EGFLAM: variants seen among roughly 807,000 people sequenced by gnomAD.
EGFLAM encodes the protein pikachurin.
A neutral mutation model predicts 113.1 loss-of-function variants in EGFLAM; 79 were observed. That is an observed-to-expected ratio of 0.70 (90% CI 0.58 to 0.84). EGFLAM has a LOEUF of 0.84. Among genes scored for constraint, EGFLAM ranks in the 40% least tolerant of loss-of-function variants. The pLI is 0.00. For synonymous variants in EGFLAM, 504 were observed against 487.6 expected (o/e 1.03, Z -0.44); for missense variants, 1,265 against 1,291.6 (o/e 0.98, Z 0.32).
chr5:38,433,969 A>T (rs1742266632), intron 15 of EGFLAM, among the ~76,000 whole-genome samples: 2 of 152,076 alleles, frequency 1.3e-5, no homozygotes, highest in Admixed American at 6.5e-5. Flanking sequence ...CCTAAGATAA[A>T]CAGAGCTTCT....
chr5:38,317,571 C>G (rs962970721), intron 1 of EGFLAM, among the ~76,000 whole-genome samples: 2 of 152,146 alleles, frequency 1.3e-5, no homozygotes, highest in African/African-American at 4.8e-5. Context: ...AGTTCATATC[C>G]CAGAACCATG....
At chr5:38,435,806 C>CTTTTTTTTTTTTT (rs60461690) in intron 16 of EGFLAM, among the ~76,000 whole-genome samples, 3 of 88,916 alleles carry the variant, frequency 3.4e-5, no homozygotes, top group African/African-American at 9.5e-5. Flanking sequence ...CCGGCTCTCT[C>CTTTTTTTTTTTTT]TTTTTTTTTT....
Position 38,279,044 on chromosome 5 carries a change from A to G in EGFLAM, c.97+20193A>G, listed in dbSNP as rs57166991. On this transcript the variant is annotated intron_variant, in intron 1 of 21. Coordinates refer to ENST00000322350, the MANE Select transcript of EGFLAM (RefSeq NM_152403.4). ...GAGAAAACAAATAACACAATTAAAA[A>G]GTAGGCAAAAGATCTGAATAGACAT... is the stretch of plus-strand genomic sequence containing the variant. Among the ~76,000 whole-genome samples, 1,023 of 152,284 alleles carry G rather than the reference A, an allele frequency of 6.7e-3. 12 individuals carry two copies. The highest frequency in any genetic ancestry group is 0.024 in the African/African-American group (985 of 41,560).
chr5:38,459,603 C>A (rs1743206054), intron 20 of EGFLAM, among the ~76,000 whole-genome samples: 1 of 152,184 alleles, frequency 6.6e-6, no homozygotes, highest in South Asian at 2.1e-4. Flanking sequence ...GGTTGGGGTT[C>A]CCTGAGAATT....
intron 11 of EGFLAM, among the ~76,000 whole-genome samples, chr5:38,416,185 T>G (rs1741636254): frequency 6.6e-6 from 1 of 152,220 alleles, no homozygotes; most frequent in South Asian, 2.1e-4. Context: ...TGTGGCTGTT[T>G]AATAAGCTTT....
Position 38,458,367 on chromosome 5 carries a change from G to T in EGFLAM, c.2744G>T (p.Gly915Val). The change falls in exon 20 of 22, where the codon GGT becomes GTT. Residue 915 changes from glycine to valine, a missense_variant. By Grantham distance (109) the Gly-to-Val change is moderately radical (BLOSUM62 -3). Transcript: ENST00000322350. The part of the protein sequence containing the change: ...SIMVNGSFND[G>V]RWHRVKAVRD... The stretch of plus-strand genomic sequence containing the variant: ...ATGGTGAATGGCTCCTTCAACGATG[G>T]TCGGTGGCACCGAGTTAAGGCCGTT... 4 of 1,614,056 alleles carry T rather than the reference G, an allele frequency of 2.5e-6. No homozygotes were observed. Among genetic ancestry groups the T allele is most frequent in the Non-Finnish European group, 3.4e-6 (4 of 1,179,990 alleles).
chr5:38,417,924 A>C (rs1741704091), intron 11 of EGFLAM, 142 bp from the exon 12 acceptor site: 2 of 812,336 alleles, frequency 2.5e-6, no homozygotes, highest in African/African-American at 3.5e-5. Context: ...CAGTAAGGCA[A>C]GGTCTTAAAG....
chr5:38,351,337 G>A, intron 4 of EGFLAM, among the ~76,000 whole-genome samples: 1 of 152,134 alleles, frequency 6.6e-6, no homozygotes, highest in Non-Finnish European at 1.5e-5. Context: ...TCGAACTCCT[G>A]ACCTCGTGAT....
At chr5:38,451,120 G>A (rs1742898689) in intron 18 of EGFLAM, among the ~76,000 whole-genome samples, 195 bp from the exon 19 acceptor site, 1 of 152,214 alleles carries the variant, frequency 6.6e-6, no homozygotes, top group Admixed American at 6.5e-5. Context: ...CACAGTGCTT[G>A]GGGAGAGAGA....
chr5:38,384,646 A>C (rs1410239428), intron 6 of EGFLAM, among the ~76,000 whole-genome samples: 1 of 152,196 alleles, frequency 6.6e-6, no homozygotes, highest in Non-Finnish European at 1.5e-5. Flanking sequence ...GACTGAAGGC[A>C]GTCTGTGCAG....
At chr5:38,411,453 T>G (rs1354914276) in intron 10 of EGFLAM, among the ~76,000 whole-genome samples, 1 of 150,602 alleles carries the variant, frequency 6.6e-6, no homozygotes. Flanking sequence ...AAAACGGGAA[T>G]GCGGATTAGC....
intron 1 of EGFLAM, among the ~76,000 whole-genome samples, chr5:38,320,435 C>G (rs1738709620): frequency 6.6e-6 from 1 of 152,290 alleles, no homozygotes; most frequent in South Asian, 2.1e-4. Flanking sequence ...ATTTGAAACT[C>G]CCTGCTAGCA....
chr5:38,320,422 T>A (rs1738709466), intron 1 of EGFLAM, among the ~76,000 whole-genome samples: 1 of 152,220 alleles, frequency 6.6e-6, no homozygotes, highest in Non-Finnish European at 1.5e-5. Flanking sequence ...CTGGCTTAGA[T>A]GAATTTGAAA....
chr5:38,457,064 T>G lies in EGFLAM; in HGVS notation c.2688-1247T>G, dbSNP rs1743110320. On this transcript the variant is annotated intron_variant, in intron 19 of 21. Coordinates refer to ENST00000322350, the MANE Select transcript of EGFLAM (RefSeq NM_152403.4). Reference sequence around the variant, plus strand: ...CTGAAACCCTTATGGTATCGGGGTATCTGGGAACTGAAATAGAAAATAGGA... The same window carrying G: ...CTGAAACCCTTATGGTATCGGGGTAGCTGGGAACTGAAATAGAAAATAGGA... Among the ~76,000 whole-genome samples the G allele has an allele frequency of 2.6e-5, 4 of 152,300 alleles. No homozygotes were observed. In the South Asian group the frequency reaches 8.3e-4, roughly 32 times the overall value.
chr5:38,333,916 GTTTTTTTTTTTTT>G (rs70978880), intron 1 of EGFLAM, among the ~76,000 whole-genome samples: 2 of 29,278 alleles, frequency 6.8e-5, no homozygotes, highest in East Asian at 2.3e-3. Flanking sequence ...ATTGTTGAGG[GTTTTTTTTTTTTT>G]TTTTTTTTTT....
chr5:38,334,315 T>A (rs941697994), intron 1 of EGFLAM, among the ~76,000 whole-genome samples: 1 of 152,196 alleles, frequency 6.6e-6, no homozygotes, highest in Non-Finnish European at 1.5e-5. Flanking sequence ...AAGAGAAATC[T>A]ATTTTTCACA....
intron 1 of EGFLAM, among the ~76,000 whole-genome samples, chr5:38,289,277 C>CG (rs33960809): frequency 6.8e-6 from 1 of 146,412 alleles, no homozygotes; most frequent in African/African-American, 2.7e-5. Context: ...CTTTCCCCGC[C>CG]CCCACATTTC....
intron 1 of EGFLAM, among the ~76,000 whole-genome samples, chr5:38,309,964 G>A (rs954045325): frequency 2.0e-5 from 3 of 152,272 alleles, no homozygotes; most frequent in South Asian, 4.1e-4. Flanking sequence ...CCATGACAGC[G>A]ATGGCTCAAG....
chr5:38,332,751 T>C (rs754295319), intron 1 of EGFLAM, among the ~76,000 whole-genome samples: 1 of 152,226 alleles, frequency 6.6e-6, no homozygotes, highest in Non-Finnish European at 1.5e-5. Flanking sequence ...AGCATGTCCT[T>C]AAGACACAGA....
Sources: gnomAD v4.1 joint callset for allele counts (sites outside exome capture counted in the v4.1 genomes callset) on GRCh38, gnomAD v4.1.1 for gene constraint, MANE v1.5 for transcripts, NCBI Gene and HGNC (gene_info 2026-07-23, HGNC 2026-07-21) for gene names.